Variants in SSH2 observed in about 807,000 individuals in gnomAD.
SSH2 encodes the protein protein phosphatase Slingshot homolog 2.
Under a neutral mutation model 135.2 loss-of-function variants are expected in SSH2, and 37 were observed. That is an observed-to-expected ratio of 0.27 (90% CI 0.21 to 0.36). The LOEUF (loss-of-function observed/expected upper bound fraction) is 0.36, where lower values mean the gene tolerates loss of function less well. SSH2 is among the 10% of genes least tolerant of loss of function. SSH2 has a pLI of 1.00. For synonymous variants in SSH2, 628 were observed against 646.2 expected (o/e 0.97, Z 0.43); for missense variants, 1,408 against 1,765.3 (o/e 0.80, Z 3.63).
chr17:29,879,834 T>A (rs569783368), intron 1 of SSH2, among the ~76,000 whole-genome samples: 1 of 152,324 alleles, frequency 6.6e-6, no homozygotes, highest in African/African-American at 2.4e-5. Context: ...CCAAAGCTCA[T>A]GAAATTAAGC....
At chr17:29,912,563 C>T (rs1044071886) in intron 1 of SSH2, among the ~76,000 whole-genome samples, 1 of 151,968 alleles carries the variant, frequency 6.6e-6, no homozygotes, top group Non-Finnish European at 1.5e-5. Context: ...CTCATCTCTA[C>T]AAAAACTAAG....
intron 3 of SSH2, among the ~76,000 whole-genome samples, chr17:29,762,465 G>T (rs2041346543): frequency 6.6e-6 from 1 of 152,186 alleles, no homozygotes; most frequent in Admixed American, 6.5e-5. Context: ...AGCCATGGTT[G>T]AGACGGCAGA....
At chr17:29,673,536 C>T (rs2037580882) in intron 8 of SSH2, among the ~76,000 whole-genome samples, 1 of 151,376 alleles carries the variant, frequency 6.6e-6, no homozygotes, top group Non-Finnish European at 1.5e-5. Context: ...TGCCACTGCA[C>T]TCCAGCCTGG....
intron 1 of SSH2, among the ~76,000 whole-genome samples, chr17:29,890,047 G>A (rs891186389): frequency 6.6e-6 from 1 of 152,136 alleles, no homozygotes; most frequent in South Asian, 2.1e-4. Flanking sequence ...CAAATGGCCA[G>A]TGAGCACATG....
rs1191231236 is a variant in SSH2 at position 29,636,648 on chromosome 17, G to T, written c.1582C>A (p.Pro528Thr). 5.0e-6 allele frequency: 8 copies of T among 1,613,978 alleles called. No individual in the cohort carries two copies. The highest frequency in any genetic ancestry group is 5.1e-6 in the Non-Finnish European group (6 of 1,180,026). ...IAEVKTMESH[P>T]PIPPVFVEHM... is the part of the protein sequence containing the mutation. ...TCCACAAAGACAGGAGGTATGGGTGGGTGACTCTCCATGGTCTTCACCTCA... is the reference window on the plus strand; with the variant it reads ...TCCACAAAGACAGGAGGTATGGGTGTGTGACTCTCCATGGTCTTCACCTCA... The change falls in exon 15 of 16, where the codon CCA becomes ACA. Residue 528 changes from proline to threonine, a missense_variant. Pro to Thr is a conservative substitution (Grantham distance 38). This residue lies in a region of SSH2 where 1,080 missense variants were observed against 1,144.5 expected (regional missense o/e 0.94). Transcript: ENST00000540801.
intron 3 of SSH2, among the ~76,000 whole-genome samples, chr17:29,733,232 G>A (rs537669119): frequency 3.3e-5 from 5 of 152,252 alleles, no homozygotes; most frequent in African/African-American, 9.6e-5. Context: ...CAAATCTTGC[G>A]GTACACAGAT....
In SSH2 at chr17:29,741,422, A is replaced by G. The variant is rs145577542; in HGVS notation, c.189-38360T>C. ...TTCATTAGGTGAGGTTTTGTTTATA[A>G]CTGCAAAAAACTGGACATAATCAAA... On this transcript the variant is annotated intron_variant, in intron 3 of 15. Transcript: ENST00000540801. 1.1e-3 allele frequency among the ~76,000 whole-genome samples: 164 copies of G among 152,322 alleles called. 1 individual carries two copies. The highest frequency in any genetic ancestry group is 3.8e-3 in the African/African-American group (156 of 41,580).
chr17:29,766,113 T>G (rs997243410), intron 3 of SSH2, among the ~76,000 whole-genome samples: 5 of 148,472 alleles, frequency 3.4e-5, no homozygotes, highest in African/African-American at 1.2e-4. Flanking sequence ...TCATCATCCA[T>G]AAATTGGTCA....
At chr17:29,766,954 CA>C (rs1567961188) in intron 3 of SSH2, among the ~76,000 whole-genome samples, 1 of 152,062 alleles carries the variant, frequency 6.6e-6, no homozygotes, top group Admixed American at 6.6e-5. Context: ...TACAATAAAC[CA>C]AACTTTGTAA....
At chr17:29,872,146 T>G (rs530666119) in intron 1 of SSH2, among the ~76,000 whole-genome samples, 1 of 152,250 alleles carries the variant, frequency 6.6e-6, no homozygotes, top group Non-Finnish European at 1.5e-5. Flanking sequence ...TTGTTTCTTT[T>G]GTATTATGCA....
At chr17:29,655,776 T>TAA (rs2036756496) in intron 11 of SSH2, among the ~76,000 whole-genome samples, 169 bp from the exon 12 acceptor site, 1 of 152,346 alleles carries the variant, frequency 6.6e-6, no homozygotes, top group African/African-American at 2.4e-5. Context: ...TCACAAATGA[T>TAA]AGAGTAAGAA....
intron 14 of SSH2, chr17:29,639,674 T>G (rs2036065241): frequency 6.6e-6 from 1 of 151,938 alleles, no homozygotes; most frequent in African/African-American, 2.4e-5. Flanking sequence ...TTTCACCCTT[T>G]CCAAGCTGCA....
intron 3 of SSH2, among the ~76,000 whole-genome samples, chr17:29,783,039 T>C (rs1405025160): frequency 4.6e-5 from 7 of 151,986 alleles, no homozygotes; most frequent in African/African-American, 1.7e-4. Flanking sequence ...AGTTTTGGTA[T>C]AAAGGATAAT....
At chr17:29,737,098 CAAAAAAAAAAAA>C (rs59098464) in intron 3 of SSH2, among the ~76,000 whole-genome samples, 9 of 63,404 alleles carry the variant, frequency 1.4e-4, no homozygotes, top group African/African-American at 2.0e-4. Context: ...GACTCTGTCT[CAAAAAAAAAAAA>C]AAAAAAAAAA....
At chr17:29,712,661 G>C (rs189649157) in intron 3 of SSH2, among the ~76,000 whole-genome samples, 1 of 152,080 alleles carries the variant, frequency 6.6e-6, no homozygotes, top group Non-Finnish European at 1.5e-5. Context: ...AAAATTAGCC[G>C]GGCATGGTGG....
chr17:29,699,122 T>A (rs2038880355), intron 4 of SSH2, among the ~76,000 whole-genome samples: 1 of 152,190 alleles, frequency 6.6e-6, no homozygotes. Context: ...TATATTGATA[T>A]AGCATTAAGA....
At chr17:29,856,107 G>T in intron 1 of SSH2, 1 of 328,258 alleles carries the variant, frequency 3.0e-6, no homozygotes, top group Non-Finnish European at 5.9e-6. Flanking sequence ...AAATTTCTTG[G>T]GTGAAAAATA....
intron 1 of SSH2, among the ~76,000 whole-genome samples, chr17:29,856,505 G>A (rs895482823): frequency 6.6e-6 from 1 of 152,172 alleles, no homozygotes; most frequent in East Asian, 1.9e-4. Context: ...AGCCCAGGAG[G>A]TTGAGGCTGC....
chr17:29,696,846 G>A lies in SSH2; in HGVS notation c.293-1323C>T, dbSNP rs185581856. Among the ~76,000 whole-genome samples the A allele has an allele frequency of 1.6e-3, 241 of 151,434 alleles. 1 individual carries two copies. Among genetic ancestry groups the A allele is most frequent in the African/African-American group, 5.5e-3 (226 of 41,316 alleles). ...ATTACAGGCGCCTGCCACCATGCCC[G>A]GCTAATTTTTTGTATTTTTAGTAGA... is the stretch of plus-strand genomic sequence containing the variant. On this transcript the variant is annotated intron_variant, in intron 4 of 15. Coordinates refer to ENST00000540801, the MANE Select transcript of SSH2 (RefSeq NM_001282129.2).
Sources: allele counts gnomAD v4.1 joint callset (sites outside exome capture counted in the v4.1 genomes callset), GRCh38; gene constraint gnomAD v4.1.1; regional missense constraint gnomAD v4.1.1; transcripts MANE v1.5; gene names NCBI Gene and HGNC (gene_info 2026-07-23, HGNC 2026-07-21).